SNX24: variants seen among roughly 807,000 people sequenced by gnomAD.
The protein encoded by SNX24 is sorting nexin-24.
Under a neutral mutation model 28.7 loss-of-function variants are expected in SNX24, and 22 were observed. The observed-to-expected ratio is 0.77, with a 90% CI of 0.55 to 1.10. The LOEUF (loss-of-function observed/expected upper bound fraction) is 1.10. SNX24 is among the 50% of genes least tolerant of loss of function. The probability of loss-of-function intolerance (pLI) is 0.00; values close to 1 mark genes in which losing one functional copy is unlikely to be tolerated. For synonymous variants in SNX24, 69 were observed against 71.5 expected, an observed-to-expected ratio of 0.96 and a Z score of 0.18; for missense variants, 221 against 201.1, an observed-to-expected ratio of 1.10 and a Z score of -0.60.
chr5:122,887,347 T>C (rs1357589133), intron 1 of SNX24, among the ~76,000 whole-genome samples: 2 of 152,368 alleles, frequency 1.3e-5, no homozygotes, highest in Admixed American at 6.5e-5. Context: ...TTCTCTCTAA[T>C]AGTTTAAAGA....
intron 1 of SNX24, among the ~76,000 whole-genome samples, chr5:122,864,928 A>C (rs1252839940): frequency 6.6e-6 from 1 of 152,250 alleles, no homozygotes; most frequent in Non-Finnish European, 1.5e-5. Flanking sequence ...TTTAAACTAT[A>C]AACTGTAGAC....
intron 1 of SNX24, among the ~76,000 whole-genome samples, chr5:122,875,477 A>G (rs890686750): frequency 3.9e-5 from 6 of 152,238 alleles, no homozygotes; most frequent in African/African-American, 1.4e-4. Flanking sequence ...GCAGCAGAAC[A>G]GAAGTAAGCC....
intron 2 of SNX24, among the ~76,000 whole-genome samples, chr5:122,945,577 C>T (rs748036618): frequency 6.6e-6 from 1 of 152,162 alleles, no homozygotes; most frequent in Non-Finnish European, 1.5e-5. Flanking sequence ...TTTAAGTTCT[C>T]TCTCCAAATG....
At chr5:122,886,792 T>G (rs1432608745) in intron 1 of SNX24, among the ~76,000 whole-genome samples, 1 of 151,740 alleles carries the variant, frequency 6.6e-6, no homozygotes, top group Non-Finnish European at 1.5e-5. Context: ...ATCACGCCAT[T>G]GCACTCCAGC....
At chr5:122,868,452 A>C (rs1404316586) in intron 1 of SNX24, among the ~76,000 whole-genome samples, 1 of 152,130 alleles carries the variant, frequency 6.6e-6, no homozygotes, top group East Asian at 1.9e-4. Context: ...TTATTCATAG[A>C]GGTAGGCAGG....
chr5:122,881,330 C>T (rs187251143), intron 1 of SNX24, among the ~76,000 whole-genome samples: 45 of 152,256 alleles, frequency 3.0e-4, no homozygotes, highest in Middle Eastern at 3.4e-3. Context: ...ACTTACTCAA[C>T]TTTCAGAAGT....
chr5:122,961,690 T>A (rs2150138985), intron 3 of SNX24, among the ~76,000 whole-genome samples: 1 of 152,338 alleles, frequency 6.6e-6, no homozygotes, highest in East Asian at 1.9e-4. Flanking sequence ...TGATATAGAT[T>A]AAGAAAAGCA....
At position 122,853,623 on chromosome 5, in the gene SNX24, T is replaced by G. The variant is rs566880450; in HGVS notation, c.60+7930T>G. Reference sequence around the variant, plus strand: ...AGCTAGAAATATGTTTTAACTTTTTTTTAGATGTTATTTTCAAATTTATGT... The same window carrying G: ...AGCTAGAAATATGTTTTAACTTTTTGTTAGATGTTATTTTCAAATTTATGT... On this transcript the variant is annotated intron_variant, in intron 1 of 6. Coordinates refer to ENST00000261369, the MANE Select transcript of SNX24 (RefSeq NM_014035.4). 1.7e-5 allele frequency: 6 copies of G among 344,462 alleles called. No homozygotes were observed. The East Asian group carries it at 5.1e-4, about 29-fold the overall frequency. 21.3% of individuals were successfully genotyped at this position (344,462 alleles called of 1,614,324 possible). A position where few individuals can be genotyped will look rare whatever the true frequency, so the allele number is the denominator to read the frequency against.
intron 1 of SNX24, among the ~76,000 whole-genome samples, chr5:122,901,730 A>C (rs2150080179): frequency 6.6e-6 from 1 of 152,274 alleles, no homozygotes; most frequent in South Asian, 2.1e-4. Flanking sequence ...TGTGTCATAC[A>C]CACATGTTCT....
intron 1 of SNX24, among the ~76,000 whole-genome samples, chr5:122,852,105 CAT>C (rs1045609216): frequency 3.0e-4 from 45 of 148,630 alleles, no homozygotes; most frequent in East Asian, 1.9e-4. Context: ...TACACACACA[CAT>C]ATCTATCTAT....
downstream of SNX24, among the ~76,000 whole-genome samples, chr5:123,011,032 G>A (rs990266106): frequency 1.3e-5 from 2 of 152,098 alleles, no homozygotes; most frequent in South Asian, 2.1e-4. Flanking sequence ...TCTACAGGTT[G>A]TGCATTGCAC....
At chr5:122,924,617 G>T (rs1368966736) in intron 1 of SNX24, among the ~76,000 whole-genome samples, 2 of 152,122 alleles carry the variant, frequency 1.3e-5, no homozygotes, top group Non-Finnish European at 2.9e-5. Context: ...CACAGCTAAG[G>T]GGGGACTACT....
At chr5:122,870,161 T>C (rs561308995) in intron 1 of SNX24, among the ~76,000 whole-genome samples, 1 of 152,362 alleles carries the variant, frequency 6.6e-6, no homozygotes, top group South Asian at 2.1e-4. Context: ...AGAATTTTCA[T>C]ATAATTCAGA....
intron 6 of SNX24, among the ~76,000 whole-genome samples, chr5:123,006,006 T>C (rs1471228197): frequency 6.6e-6 from 1 of 152,184 alleles, no homozygotes; most frequent in African/African-American, 2.4e-5. Context: ...TCCCCAATTT[T>C]TAAAACAGCC....
intron 1 of SNX24, among the ~76,000 whole-genome samples, chr5:122,908,436 T>C (rs1308442340): frequency 6.6e-6 from 1 of 152,194 alleles, no homozygotes; most frequent in African/African-American, 2.4e-5. Context: ...CAGCCGGCAC[T>C]TTTCCCATAT....
chr5:122,917,063 T>G lies in SNX24; in HGVS notation c.61-19671T>G, dbSNP rs190040357. 2.2e-3 allele frequency among the ~76,000 whole-genome samples: 328 copies of G among 152,166 alleles called. 1 individual carries two copies. The highest frequency in any genetic ancestry group is 7.7e-3 in the African/African-American group (320 of 41,530). The stretch of plus-strand genomic sequence containing the variant: ...GGGGACGGATCACGAGGTCAAGAGA[T>G]AGAGACCATCCTGGCCAACATGGTG... On this transcript the variant is annotated intron_variant, in intron 1 of 6. Transcript: ENST00000261369.
In SNX24 at chr5:123,001,985, T is replaced by A; in HGVS notation, c.423T>A (p.Tyr141Ter). ...TGCTGCTGTTCCTCAGGGATCCATA[T>A]GTCTTGCCTGCAGCCAGCGGTAATC... ...QPVLLFLRDPYVLPAASDFPN... is the reference protein window; with the variant it reads ...QPVLLFLRDP Residue 141 changes from tyrosine to a stop codon, truncating the protein, a stop_gained, in exon 6 of 7, where the codon TAT becomes TAA. Transcript: ENST00000261369. LOFTEE classifies it high-confidence loss of function. 1 of 1,614,116 alleles carries A rather than the reference T, an allele frequency of 6.2e-7. No homozygotes were observed. Among genetic ancestry groups the A allele is most frequent in the Non-Finnish European group, 8.5e-7 (1 of 1,179,962 alleles).
intron 1 of SNX24, among the ~76,000 whole-genome samples, chr5:122,907,499 T>C (rs1257339804): frequency 6.6e-6 from 1 of 152,196 alleles, no homozygotes; most frequent in Non-Finnish European, 1.5e-5. Flanking sequence ...TTCTGTCCCA[T>C]TTGCTGCCTT....
At chr5:123,016,393 A>C (rs1355233673) in intron 5 of SNX24, among the ~76,000 whole-genome samples, 1 of 152,194 alleles carries the variant, frequency 6.6e-6, no homozygotes, top group Non-Finnish European at 1.5e-5. Context: ...AAATCAGAAG[A>C]GAGCTTCAGT....
Sources: gnomAD v4.1 joint callset for allele counts (sites outside exome capture counted in the v4.1 genomes callset) on GRCh38, gnomAD v4.1.1 for gene constraint, MANE v1.5 for transcripts, NCBI Gene and HGNC (gene_info 2026-07-23, HGNC 2026-07-21) for gene names.